Variants in TBL1X observed in about 807,000 individuals in gnomAD.
TBL1X encodes the protein F-box-like/WD repeat-containing protein TBL1X.
TBL1X carries 10 observed loss-of-function variants against 50.7 expected under a neutral mutation model. The ratio of observed to expected loss-of-function variants is 0.20; its 90% confidence interval spans 0.12 to 0.33. The LOEUF is 0.33. TBL1X is among the 10% of genes least tolerant of loss of function. The probability of loss-of-function intolerance (pLI) is 1.00; values close to 1 mark genes in which losing one functional copy is unlikely to be tolerated. For synonymous variants in TBL1X, 190 were observed against 214.7 expected, an observed-to-expected ratio of 0.88 and a Z score of 1.01; for missense variants, 340 against 504.4, an observed-to-expected ratio of 0.67 and a Z score of 3.12.
intron 2 of TBL1X, among the ~76,000 whole-genome samples, chrX:9,605,566 C>G (rs774134372): frequency 1.8e-5 from 2 of 112,284 alleles, no homozygotes; most frequent in African/African-American, 6.5e-5. Context: ...GGCTTTTCTT[C>G]TAATTAAAAA....
intron 5 of TBL1X, among the ~76,000 whole-genome samples, chrX:9,667,753 A>G (rs993537649): frequency 4.5e-5 from 5 of 112,135 alleles, no homozygotes; most frequent in Admixed American, 1.9e-4. Flanking sequence ...TGCTGTCTTC[A>G]TTGGGTCCTG....
chrX:9,632,070 A>G (rs1362549518), intron 2 of TBL1X, among the ~76,000 whole-genome samples: 1 of 112,315 alleles, frequency 8.9e-6, no homozygotes, highest in African/African-American at 3.2e-5. Flanking sequence ...AGTTTTTACT[A>G]TCATTTTTCC....
intron 7 of TBL1X, among the ~76,000 whole-genome samples, chrX:9,690,315 T>A (rs1456207628): frequency 1.8e-5 from 2 of 112,125 alleles, no homozygotes; most frequent in Non-Finnish European, 3.8e-5. Flanking sequence ...AAGAATTTGC[T>A]CTCACAGTTC....
At chrX:9,700,859 G>A (rs2083166213) in intron 12 of TBL1X, among the ~76,000 whole-genome samples, 1 of 111,925 alleles carries the variant, frequency 8.9e-6, no homozygotes, top group South Asian at 3.7e-4. Flanking sequence ...ACAGCCAGGA[G>A]AGATCTCAAG....
At chrX:9,606,944 T>TG (rs746324859) in intron 2 of TBL1X, among the ~76,000 whole-genome samples, 2 of 112,304 alleles carry the variant, frequency 1.8e-5, no homozygotes, top group Non-Finnish European at 3.8e-5. Flanking sequence ...ACAAAACAGT[T>TG]GAATAACCTA....
intron 2 of TBL1X, among the ~76,000 whole-genome samples, chrX:9,563,915 A>G (rs2082335692): frequency 8.9e-6 from 1 of 112,719 alleles, no homozygotes; most frequent in South Asian, 3.6e-4. Flanking sequence ...CATTGTCATG[A>G]CATATTAGAA....
At chrX:9,493,665 G>T (rs928253002) in intron 1 of TBL1X, among the ~76,000 whole-genome samples, 2 of 110,921 alleles carry the variant, frequency 1.8e-5, no homozygotes, top group Admixed American at 1.9e-4. Flanking sequence ...GGAGGCTGGG[G>T]TGGGAGGATC....
At chrX:9,664,676 A>G (rs1271682216) in intron 5 of TBL1X, among the ~76,000 whole-genome samples, 2 of 111,689 alleles carry the variant, frequency 1.8e-5, no homozygotes, top group Non-Finnish European at 3.8e-5. Context: ...TGTTAGATTT[A>G]TGTGTTCAGC....
intron 6 of TBL1X, among the ~76,000 whole-genome samples, chrX:9,685,717 CTTTTTTTT>C (rs752837096): frequency 3.4e-5 from 2 of 59,651 alleles, no homozygotes; most frequent in Admixed American, 2.6e-4. Flanking sequence ...CTTTTCTTTT[CTTTTTTTT>C]TTTTTTTTTT....
At chrX:9,697,494 G>A (rs1212740948) in intron 12 of TBL1X, 65 bp downstream of exon 12, 59 of 1,188,373 alleles carry the variant, frequency 5.0e-5, no homozygotes, top group Non-Finnish European at 6.3e-5. Context: ...AATTCAGGTC[G>A]AGCCCAGTGG....
At chrX:9,476,611 G>T (rs762035926) in intron 1 of TBL1X, among the ~76,000 whole-genome samples, 2 of 112,051 alleles carry the variant, frequency 1.8e-5, no homozygotes, top group East Asian at 2.8e-4. Flanking sequence ...TTAGTTTCTG[G>T]GAGTTTGAGG....
intron 17 of TBL1X, among the ~76,000 whole-genome samples, chrX:9,715,902 T>G (rs1422390055): frequency 8.9e-6 from 1 of 112,315 alleles, no homozygotes; most frequent in East Asian, 2.8e-4. Flanking sequence ...GCTGTGTACT[T>G]GGGCTCGTAT....
At chrX:9,492,565 T>TAA (rs1234763394) in intron 1 of TBL1X, among the ~76,000 whole-genome samples, 1 of 111,773 alleles carries the variant, frequency 8.9e-6, no homozygotes, top group Non-Finnish European at 1.9e-5. Flanking sequence ...CCAGCCTCTT[T>TAA]AAAGTCACAT....
intron 2 of TBL1X, among the ~76,000 whole-genome samples, chrX:9,540,769 G>A (rs1268894862): frequency 1.8e-5 from 2 of 112,240 alleles, no homozygotes; most frequent in African/African-American, 6.5e-5. Flanking sequence ...ATTCACTAGT[G>A]CTTTGGATGT....
intron 2 of TBL1X, among the ~76,000 whole-genome samples, chrX:9,607,152 G>T (rs919253795): frequency 8.9e-6 from 1 of 111,993 alleles, no homozygotes; most frequent in Non-Finnish European, 1.9e-5. Flanking sequence ...CCAGGCCCTG[G>T]GCCCTGAAGT....
intron 5 of TBL1X, among the ~76,000 whole-genome samples, chrX:9,671,273 A>C (rs1601829080): frequency 2.7e-5 from 3 of 113,022 alleles, no homozygotes; most frequent in Middle Eastern, 4.6e-3. Flanking sequence ...GGCCACCCCC[A>C]GTGGAGTTAC....
intron 11 of TBL1X, among the ~76,000 whole-genome samples, chrX:9,696,323 C>G (rs2083131279): frequency 8.9e-6 from 1 of 112,460 alleles, no homozygotes; most frequent in Non-Finnish European, 1.9e-5. Context: ...GTTTCAAAGA[C>G]ACTCACTGCT....
intron 1 of TBL1X, among the ~76,000 whole-genome samples, chrX:9,501,006 G>A (rs1261190391): frequency 2.7e-5 from 3 of 111,768 alleles, no homozygotes; most frequent in African/African-American, 9.8e-5. Context: ...TCAAATGTCA[G>A]TAGGGCTAAC....
intron 1 of TBL1X, among the ~76,000 whole-genome samples, chrX:9,491,328 A>ATTTT (rs2081941854): frequency 4.3e-5 from 1 of 23,221 alleles, no homozygotes; most frequent in African/African-American, 1.6e-4. Flanking sequence ...ATATATATAT[A>ATTTT]TATATATATA....
Sources: allele counts gnomAD v4.1 joint callset (sites outside exome capture counted in the v4.1 genomes callset), GRCh38; gene constraint gnomAD v4.1.1; transcripts MANE v1.5; gene names NCBI Gene and HGNC (gene_info 2026-07-23, HGNC 2026-07-21).